AKAP13: variants seen among roughly 807,000 people sequenced by gnomAD.
The protein encoded by AKAP13 is A-kinase anchor protein 13.
In AKAP13, 80 loss-of-function variants were observed where a neutral mutation model predicts 264.5. That is an observed-to-expected ratio of 0.30 (90% CI 0.25 to 0.36). The LOEUF is 0.36. AKAP13 is among the 10% of genes least tolerant of loss of function. The pLI is 1.00. For missense variants in AKAP13, 3,712 were observed against 3,435.2 expected (o/e 1.08, Z -2.01); for synonymous variants, 1,380 against 1,250.2 (o/e 1.10, Z -2.19).
intron 3 of AKAP13, among the ~76,000 whole-genome samples, chr15:85,529,510 C>G (rs182633790): frequency 2.0e-5 from 3 of 152,316 alleles, no homozygotes; most frequent in Non-Finnish European, 2.9e-5. Flanking sequence ...AGTCATGTCT[C>G]TAGCGCTAAT....
chr15:85,684,526 T>TC (rs2084788507), intron 15 of AKAP13: 1 of 470,378 alleles, frequency 2.1e-6, no homozygotes, highest in Admixed American at 3.8e-5. Flanking sequence ...ATCACACCAC[T>TC]CAGAGCAAGA....
At chr15:85,733,140 C>A (rs1367375595) in intron 30 of AKAP13, among the ~76,000 whole-genome samples, 1 of 152,164 alleles carries the variant, frequency 6.6e-6, no homozygotes, top group Non-Finnish European at 1.5e-5. Context: ...GCATGTGCCT[C>A]AGGAAAGGTT....
chr15:85,711,421 T>A (rs1021877415), intron 19 of AKAP13, among the ~76,000 whole-genome samples: 57 of 152,328 alleles, frequency 3.7e-4, no homozygotes, highest in African/African-American at 1.2e-3. Flanking sequence ...TCTGCCATAT[T>A]TTTAGACATA....
At chr15:85,609,549 G>T (rs982582686) in intron 8 of AKAP13, among the ~76,000 whole-genome samples, 1 of 152,050 alleles carries the variant, frequency 6.6e-6, no homozygotes, top group African/African-American at 2.4e-5. Context: ...TCTGTACCTT[G>T]GCTATTGCAA....
At chr15:85,608,730 C>A (rs985707967) in intron 8 of AKAP13, among the ~76,000 whole-genome samples, 7 of 152,300 alleles carry the variant, frequency 4.6e-5, no homozygotes, top group African/African-American at 1.7e-4. Context: ...TAGGAAGAAC[C>A]ATATTCTGAT....
At chr15:85,383,045 C>T (rs2070373142) in intron 1 of AKAP13, among the ~76,000 whole-genome samples, 1 of 152,056 alleles carries the variant, frequency 6.6e-6, no homozygotes. Context: ...AAATCAGCCC[C>T]CCCCTTTTTG....
chr15:85,554,066 T>C (rs934267742), intron 5 of AKAP13, among the ~76,000 whole-genome samples: 2 of 152,174 alleles, frequency 1.3e-5, no homozygotes, highest in Non-Finnish European at 2.9e-5. Context: ...TACTCTTTAT[T>C]TTAATAGTAT....
chr15:85,592,204 G>C (rs2079613517), intron 8 of AKAP13, among the ~76,000 whole-genome samples: 1 of 151,918 alleles, frequency 6.6e-6, no homozygotes, highest in Admixed American at 6.6e-5. Context: ...ATATCTTCCT[G>C]AACTATGTCC....
chr15:85,416,739 C>T (rs2072258982), intron 1 of AKAP13, among the ~76,000 whole-genome samples: 1 of 152,140 alleles, frequency 6.6e-6, no homozygotes, highest in South Asian at 2.1e-4. Flanking sequence ...CTGCTGAAAA[C>T]TGACCCATCT....
intron 6 of AKAP13, among the ~76,000 whole-genome samples, chr15:85,576,488 G>T (rs375938115): frequency 1.3e-5 from 2 of 152,090 alleles, no homozygotes; most frequent in African/African-American, 4.8e-5. Flanking sequence ...CATTTATTAC[G>T]AATAACATAA....
intron 1 of AKAP13, among the ~76,000 whole-genome samples, chr15:85,385,454 T>G (rs1293956852): frequency 6.6e-6 from 1 of 152,204 alleles, no homozygotes; most frequent in Non-Finnish European, 1.5e-5. Context: ...TTTTGACAGG[T>G]GTATACATTC....
Position 85,524,841 on chromosome 15 carries a change from G to GTCCC in AKAP13, c.181+3274_181+3277dup, listed in dbSNP as rs1197147901. Reference sequence around the variant, plus strand: ...GAAGTGTGTGTGTGTCTGTCTGTCTGTCCCTCCCTCCTGCCCCCTCTTTCC... The same window carrying GTCCC: ...GAAGTGTGTGTGTGTCTGTCTGTCTGTCCCTCCCTCCCTCCTGCCCCCTCTTTCC... On this transcript the variant is annotated intron_variant, in intron 3 of 36. Transcript: ENST00000394518. Among the ~76,000 whole-genome samples, 3 of 150,154 alleles carry GTCCC rather than the reference G, an allele frequency of 2.0e-5. No individual in the cohort carries two copies. In the East Asian group the frequency reaches 5.9e-4, roughly 30 times the overall value.
chr15:85,447,960 A>G (rs944300722), intron 1 of AKAP13, among the ~76,000 whole-genome samples: 1 of 152,160 alleles, frequency 6.6e-6, no homozygotes, highest in East Asian at 1.9e-4. Flanking sequence ...GCTTTCCACA[A>G]TGGTTGAACT....
At chr15:85,627,442 C>G (rs2081469582) in intron 8 of AKAP13, 1 of 152,244 alleles carries the variant, frequency 6.6e-6, no homozygotes, top group African/African-American at 2.4e-5. Context: ...TAGACTAGTT[C>G]AGGCTCATCC....
At chr15:85,440,704 TC>T (rs2073603628) in intron 1 of AKAP13, among the ~76,000 whole-genome samples, 1 of 152,204 alleles carries the variant, frequency 6.6e-6, no homozygotes, top group Non-Finnish European at 1.5e-5. Context: ...TTACACACTT[TC>T]CTTTTTGCTA....
intron 2 of AKAP13, among the ~76,000 whole-genome samples, chr15:85,516,279 T>G (rs954022874): frequency 1.3e-5 from 2 of 152,206 alleles, no homozygotes; most frequent in Non-Finnish European, 2.9e-5. Context: ...CAAAACGACC[T>G]TATGAGATAA....
intron 13 of AKAP13, among the ~76,000 whole-genome samples, chr15:85,669,126 C>T (rs1034680418): frequency 4.6e-5 from 7 of 152,154 alleles, no homozygotes; most frequent in Non-Finnish European, 1.0e-4. Flanking sequence ...ATCCCAGCTA[C>T]TCAGGAGTCT....
chr15:85,535,795 CTCTCT>C (rs1003681418), intron 4 of AKAP13: 1 of 146,350 alleles, frequency 6.8e-6, no homozygotes, highest in African/African-American at 2.6e-5. Context: ...TCCTCTTTCT[CTCTCT>C]TTTTTTTTTT....
chr15:85,418,687 A>G (rs1285869226), intron 1 of AKAP13, among the ~76,000 whole-genome samples: 2 of 152,224 alleles, frequency 1.3e-5, no homozygotes, highest in Non-Finnish European at 2.9e-5. Flanking sequence ...TAATGCAAAT[A>G]TTTGGTTGTC....
Sources: allele counts gnomAD v4.1 joint callset (sites outside exome capture counted in the v4.1 genomes callset), GRCh38; gene constraint gnomAD v4.1.1; transcripts MANE v1.5; gene names NCBI Gene and HGNC (gene_info 2026-07-23, HGNC 2026-07-21).